The following MTTP variants were observed in gnomAD, a reference collection of about 807,000 sequenced individuals.
MTTP encodes the protein microsomal triglyceride transfer protein large subunit.
Under a neutral mutation model 90.6 loss-of-function variants are expected in MTTP, and 49 were observed. The ratio of observed to expected loss-of-function variants is 0.54; its 90% CI spans 0.43 to 0.69. MTTP has a LOEUF of 0.69. Ranked by LOEUF, MTTP falls within the 30% of genes least tolerant of loss-of-function variation. The pLI, the probability that MTTP is intolerant of heterozygous loss-of-function variation, is 0.00. For synonymous variants in MTTP, 347 were observed against 384.2 expected (o/e 0.90, Z 1.13); for missense variants, 945 against 1,067.5 (o/e 0.89, Z 1.60).
At chr4:99,575,498 G>A (rs1724934055) in intron 1 of MTTP, among the ~76,000 whole-genome samples, 1 of 152,058 alleles carries the variant, frequency 6.6e-6, no homozygotes, top group African/African-American at 2.4e-5. Context: ...AAAAATGATA[G>A]AATTCATAGT....
intron 15 of MTTP, 92 bp from the exon 16 acceptor site, chr4:99,618,882 C>A: frequency 6.6e-7 from 1 of 1,509,224 alleles, no homozygotes; most frequent in Non-Finnish European, 9.1e-7. Context: ...ATGGAATTAT[C>A]TACAGCAGGA....
rs1725995703 is a variant in MTTP, at chr4:99,612,927, C to T, written c.2004C>T (p.Ala668=). ...ATTTTATCCAGGTGGTTATTGAAGC[C>T]CAAGGACTGGAAGCCTTAATCGCAG... The part of the protein sequence containing the change: ...GLHGSQVVIE[A]QGLEALIAAT... The change falls in exon 15 of 18, where the codon GCC becomes GCT. Residue 668 remains alanine (A), a synonymous_variant. Transcript: ENST00000265517. 1 of 1,613,882 alleles carries T rather than the reference C, an allele frequency of 6.2e-7. No individual in the cohort carries two copies. The highest frequency in any genetic ancestry group is 1.3e-5 in the African/African-American group (1 of 74,990).
intron 5 of MTTP, 130 bp downstream of exon 5, chr4:99,591,481 T>C (rs1047085714): frequency 8.2e-6 from 9 of 1,099,134 alleles, no homozygotes; most frequent in Non-Finnish European, 1.2e-5. Flanking sequence ...AGGCTACAAA[T>C]TCACACATAT....
At chr4:99,601,860 T>C in intron 10 of MTTP, 146 bp downstream of exon 10, 1 of 667,182 alleles carries the variant, frequency 1.5e-6, no homozygotes, top group East Asian at 2.8e-5. Flanking sequence ...CCATCTAACA[T>C]ATATTAAAAT....
intron 3 of MTTP, among the ~76,000 whole-genome samples, chr4:99,586,635 A>C (rs557567692): frequency 6.6e-6 from 1 of 152,118 alleles, no homozygotes; most frequent in South Asian, 2.1e-4. Context: ...TCTGTCTTAG[A>C]TAGATATCAA....
chr4:99,596,905 G>A (rs554708523), intron 7 of MTTP, among the ~76,000 whole-genome samples, 162 bp from the exon 8 acceptor site: 25 of 152,254 alleles, frequency 1.6e-4, no homozygotes, highest in African/African-American at 5.5e-4. Context: ...AGTCCCAGGG[G>A]TATGATATGG....
Position 99,591,258 on chromosome 4 carries a change from AGT to A in MTTP, c.527_528del (p.Val176AspfsTer13). The A allele has an allele frequency of 6.2e-7, 1 of 1,613,334 alleles. No individual in the cohort carries two copies. Among genetic ancestry groups the A allele is most frequent in the Non-Finnish European group, 8.5e-7 (1 of 1,179,294 alleles). On this transcript the variant is annotated frameshift_variant, in exon 5 of 18. Transcript: ENST00000265517. LOFTEE classifies it high-confidence loss of function. ...AGGTAGATATCTCTGGAAATTGTAA[AGT>A]GACCTACCAGGCTCATCAAGACAAA... ...NEVDISGNCK[V>X]TYQAHQDKVI...
chr4:99,616,609 C>A (rs1726104651), intron 15 of MTTP, among the ~76,000 whole-genome samples: 1 of 152,146 alleles, frequency 6.6e-6, no homozygotes, highest in South Asian at 2.1e-4. Flanking sequence ...GTTCTACTTA[C>A]TTTATACTGC....
In MTTP at chr4:99,619,085, C is replaced by T. The variant is rs777548973; in HGVS notation, c.2329C>T (p.Arg777Ter). Residue 777 changes from arginine (R) to a stop codon, truncating the protein, a stop_gained, in exon 16 of 18, where the codon CGA (arginine) becomes TGA (stop). Coordinates refer to ENST00000265517, the MANE Select transcript of MTTP (RefSeq NM_001386140.1). LOFTEE classifies it high-confidence loss of function. ...FSLWYRESKT[R>*]VKNRVTVVIT... ...CTTGTGGTATCGTGAGTCTAAAACC[C>T]GAGTGAAAAATAGGTAAGTGTTTAT... The T allele has an allele frequency of 3.7e-6, 6 of 1,613,002 alleles. No individual in the cohort carries two copies. The highest frequency in any genetic ancestry group is 3.3e-5 in the Admixed American group (2 of 59,964).
chr4:99,608,514 A>G (rs1011321484), intron 11 of MTTP, among the ~76,000 whole-genome samples: 13 of 152,344 alleles, frequency 8.5e-5, no homozygotes, highest in Admixed American at 2.6e-4. Flanking sequence ...GAAGTTCACT[A>G]CAGTCATGGA....
At chr4:99,601,185 A>G (rs1725687074) in intron 9 of MTTP, among the ~76,000 whole-genome samples, 1 of 152,150 alleles carries the variant, frequency 6.6e-6, no homozygotes, top group South Asian at 2.1e-4. Context: ...AATGTTATCT[A>G]TTTAATTGCA....
intron 6 of MTTP, among the ~76,000 whole-genome samples, chr4:99,593,066 C>T (rs1167824848): frequency 2.0e-5 from 3 of 152,146 alleles, no homozygotes; most frequent in African/African-American, 7.2e-5. Context: ...CACCTTTGTA[C>T]ATGGGTCCAT....
At chr4:99,576,962 C>T (rs1179655744) in intron 1 of MTTP, among the ~76,000 whole-genome samples, 1 of 152,136 alleles carries the variant, frequency 6.6e-6, no homozygotes, top group Non-Finnish European at 1.5e-5. Context: ...CTAGGGTCCA[C>T]TTCTGGAGTC....
chr4:99,620,575 G>A (rs1726205528), intron 16 of MTTP, among the ~76,000 whole-genome samples: 1 of 152,252 alleles, frequency 6.6e-6, no homozygotes, highest in East Asian at 1.9e-4. Context: ...AAGGGCTTAC[G>A]CCTCTAGAGA....
chr4:99,608,717 C>A, intron 11 of MTTP, 49 bp from the exon 12 acceptor site: 1 of 1,356,374 alleles, frequency 7.4e-7, no homozygotes, highest in Non-Finnish European at 1.1e-6. Context: ...GCTGAAATGT[C>A]CATTTTAAAA....
At chr4:99,591,600 A>T in intron 5 of MTTP, 51 bp from the exon 6 acceptor site, 1 of 1,579,394 alleles carries the variant, frequency 6.3e-7, no homozygotes, top group African/African-American at 1.3e-5. Flanking sequence ...ACTTGATTCA[A>T]TAATTTAAAC....
rs973495890 is a variant in MTTP, at chr4:99,612,643, G to A, written c.1990-270G>A. Among the ~76,000 whole-genome samples, 4 of 152,244 alleles carry A rather than the reference G, an allele frequency of 2.6e-5. No individual in the cohort carries two copies. In the East Asian group the frequency reaches 7.7e-4, roughly 29 times the overall value. ...GTCCCGCCTCTGACATTTATTAGCT[G>A]AGTAAACTTGAAAACTTTTTTTGCC... On this transcript the variant is annotated intron_variant, in intron 14 of 17. Coordinates refer to ENST00000265517, the MANE Select transcript of MTTP (RefSeq NM_001386140.1).
intron 3 of MTTP, among the ~76,000 whole-genome samples, chr4:99,585,816 A>C (rs751805060): frequency 3.3e-5 from 5 of 152,168 alleles, no homozygotes; most frequent in Non-Finnish European, 7.4e-5. Context: ...CCACAGGTTA[A>C]AGTACATCAT....
At chr4:99,592,896 G>A (rs1441483677) in intron 6 of MTTP, among the ~76,000 whole-genome samples, 2 of 152,098 alleles carry the variant, frequency 1.3e-5, no homozygotes, top group South Asian at 2.1e-4. Context: ...TGTATTGTAC[G>A]TAACTGCACG....
Sources: allele counts gnomAD v4.1 joint callset (sites outside exome capture counted in the v4.1 genomes callset), GRCh38; gene constraint gnomAD v4.1.1; transcripts MANE v1.5; gene names NCBI Gene and HGNC (gene_info 2026-07-23, HGNC 2026-07-21).